The following ADGRA2 variants were observed in gnomAD, a reference collection of about 807,000 sequenced individuals.
ADGRA2 encodes the protein adhesion G protein-coupled receptor A2.
Under a neutral mutation model 98.7 loss-of-function variants are expected in ADGRA2, and 61 were observed. The ratio of observed to expected loss-of-function variants is 0.62; its 90% confidence interval spans 0.50 to 0.76. ADGRA2 has a LOEUF of 0.76. Among genes scored for constraint, ADGRA2 ranks in the 30% least tolerant of loss-of-function variants. The pLI is 0.00. For missense variants in ADGRA2, 1,712 were observed against 1,860.0 expected (o/e 0.92, Z 1.46); for synonymous variants, 858 against 831.5 (o/e 1.03, Z -0.55).
At chr8:37,807,656 C>G (rs1804716147) in intron 1 of ADGRA2, among the ~76,000 whole-genome samples, 1 of 152,276 alleles carries the variant, frequency 6.6e-6, no homozygotes, top group South Asian at 2.1e-4. Flanking sequence ...CATCAGCAAG[C>G]AGACTGCCCC....
intron 17 of ADGRA2, 126 bp from the exon 18 acceptor site, chr8:37,840,634 A>T: frequency 2.9e-6 from 2 of 681,580 alleles, no homozygotes; most frequent in Non-Finnish European, 5.3e-6. Flanking sequence ...CATCCCTGGC[A>T]AAAAATTCTG....
intron 1 of ADGRA2, among the ~76,000 whole-genome samples, chr8:37,799,452 A>G (rs1804435674): frequency 6.6e-6 from 1 of 151,792 alleles, no homozygotes; most frequent in South Asian, 2.1e-4. Flanking sequence ...TCATGCACAT[A>G]TGTGGGATGT....
chr8:37,808,867 C>T (rs1325073701), intron 1 of ADGRA2, among the ~76,000 whole-genome samples: 1 of 152,074 alleles, frequency 6.6e-6, no homozygotes, highest in African/African-American at 2.4e-5. Flanking sequence ...GCTGCCCAGG[C>T]TGGAGTACAG....
At chr8:37,804,451 C>G (rs996534210) in intron 1 of ADGRA2, among the ~76,000 whole-genome samples, 1 of 152,192 alleles carries the variant, frequency 6.6e-6, no homozygotes, top group Non-Finnish European at 1.5e-5. Context: ...AATGCAGGCA[C>G]GTGGGACTGG....
At chr8:37,822,075 C>A (rs1307165821) in intron 2 of ADGRA2, among the ~76,000 whole-genome samples, 1 of 152,084 alleles carries the variant, frequency 6.6e-6, no homozygotes, top group Admixed American at 6.5e-5. Context: ...GCCATGGTAG[C>A]CCCCATGCCT....
chr8:37,808,305 G>A (rs1457821779), intron 1 of ADGRA2, among the ~76,000 whole-genome samples: 1 of 152,210 alleles, frequency 6.6e-6, no homozygotes, highest in East Asian at 1.9e-4. Context: ...CTGGGGCAGA[G>A]CTAGTGTGTG....
chr8:37,835,101 T>G, intron 11 of ADGRA2, 73 bp from the exon 12 acceptor site: 4 of 1,074,758 alleles, frequency 3.7e-6, no homozygotes, highest in Non-Finnish European at 4.3e-6. Flanking sequence ...AGCAGGCCCA[T>G]TGAGAGAGAT....
At chr8:37,821,722 G>A (rs193173515) in intron 2 of ADGRA2, among the ~76,000 whole-genome samples, 25 of 152,318 alleles carry the variant, frequency 1.6e-4, no homozygotes, top group Non-Finnish European at 2.5e-4. Flanking sequence ...AAAGAGTCTG[G>A]GAAGGGGAGC....
At chr8:37,836,038 A>AACACACACACACACACACAC (rs58082798) in intron 13 of ADGRA2, among the ~76,000 whole-genome samples, 2 of 124,574 alleles carry the variant, frequency 1.6e-5, no homozygotes, top group Admixed American at 8.0e-5. Flanking sequence ...AGCCCCCTCC[A>AACACACACACACACACACAC]ACACACACAC....
intron 1 of ADGRA2, among the ~76,000 whole-genome samples, chr8:37,804,904 A>G (rs1804616529): frequency 6.6e-6 from 1 of 152,260 alleles, no homozygotes; most frequent in African/African-American, 2.4e-5. Flanking sequence ...TGCATGGAGT[A>G]TTTGAAATCA....
rs1394151972 is a variant in ADGRA2 at position 37,814,668 on chromosome 8, G to C, written c.267-228G>C. 6.6e-6 allele frequency among the ~76,000 whole-genome samples: 1 copy of C among 152,216 alleles called. No individual in the cohort carries two copies. The highest frequency in any genetic ancestry group is 6.5e-5 in the Admixed American group (1 of 15,284). ...CACCTGCACACAGAGCCCCACGTCA[G>C]AGCCAGGCTTGGAGGAGACTCAGGG... On this transcript the variant is annotated intron_variant, in intron 1 of 18. Coordinates refer to ENST00000412232, the MANE Select transcript of ADGRA2 (RefSeq NM_032777.10). This position sits in a 1 kb window ranked among gnomAD's most constrained non-coding sequence, Gnocchi z 4.3.
In ADGRA2 at chr8:37,841,643, C is replaced by T. The variant is rs756468268; in HGVS notation, c.3305C>T (p.Ala1102Val). 2.6e-5 allele frequency: 40 copies of T among 1,524,992 alleles called. 1 individual carries two copies. In the South Asian group the frequency reaches 4.7e-4, roughly 18 times the overall value. 94.5% of individuals were successfully genotyped at this position (1,524,992 alleles called of 1,614,324 possible). The change falls in exon 19 of 19, where the codon GCC (alanine) becomes GTC (valine). Residue 1102 changes from alanine (A) to valine (V), a missense_variant. Physicochemically the swap from Ala to Val is moderately conservative, Grantham distance 64. Coordinates refer to ENST00000412232, the MANE Select transcript of ADGRA2 (RefSeq NM_032777.10). The surrounding 1 kb of genome is among the most constrained non-coding windows in gnomAD (Gnocchi z 5.0). ...GCCCCGCCCCGGGCCCTGCCCGCCG[C>T]CGCAGAGGACGGTTCCCCGGTGTTC... ...PHAPPRALPA[A>V]AEDGSPVFGE...
At position 37,819,716 on chromosome 8, in the gene ADGRA2, T is replaced by G. The variant is rs1805078717; in HGVS notation, c.338+4749T>G. Among the ~76,000 whole-genome samples, 3 of 150,708 alleles carry G rather than the reference T, an allele frequency of 2.0e-5. No homozygotes were observed. The South Asian group carries it at 6.3e-4, about 32-fold the overall frequency. ...GACAGAGTCTCACTCTGTCACCCAG[T>G]CTGGAGTGCAGTGGCACAATCTTGG... On this transcript the variant is annotated intron_variant, in intron 2 of 18. Coordinates refer to ENST00000412232, the MANE Select transcript of ADGRA2 (RefSeq NM_032777.10).
Position 37,834,185 on chromosome 8 carries a change from T to TC in ADGRA2, c.1608+58dup. 2.0e-6 allele frequency: 3 copies of TC among 1,479,908 alleles called. No individual in the cohort carries two copies. Among genetic ancestry groups the TC allele is most frequent in the Non-Finnish European group, 2.8e-6 (3 of 1,087,468 alleles). 91.7% of individuals were successfully genotyped at this position (1,479,908 alleles called of 1,614,324 possible). On this transcript the variant is annotated intron_variant, in intron 11 of 18. Transcript: ENST00000412232. The surrounding 1 kb of genome is among the most constrained non-coding windows in gnomAD (Gnocchi z 4.2). Reference sequence around the variant, plus strand: ...GCATGCAGAGGAGGGAGGCGCTCCCTCTCAGGCGTGCACCTGCCGTGCCCC... The same window carrying TC: ...GCATGCAGAGGAGGGAGGCGCTCCCTCCTCAGGCGTGCACCTGCCGTGCCCC...
At position 37,833,696 on chromosome 8, in the gene ADGRA2, C is replaced by G; in HGVS notation, c.1305C>G (p.Ile435Met). 1 of 1,614,100 alleles carries G rather than the reference C, an allele frequency of 6.2e-7. No individual in the cohort carries two copies. The highest frequency in any genetic ancestry group is 8.5e-7 in the Non-Finnish European group (1 of 1,179,964). Residue 435 changes from isoleucine (I) to methionine (M), a missense_variant, in exon 10 of 19, where the codon ATC (isoleucine) becomes ATG (methionine). Ile to Met is a conservative substitution (Grantham distance 10, BLOSUM62 1). Transcript: ENST00000412232. ...RVLYTFVLMPINASNALTLAH... is the reference protein window; with the variant it reads ...RVLYTFVLMPMNASNALTLAH... ...CTTCCCCCAATCCCCAGATGCCCAT[C>G]AATGCCTCCAATGCGCTGACCCTGG...
chr8:37,839,648 G>C (rs370078212), intron 16 of ADGRA2, 26 bp downstream of exon 16: 25 of 1,612,028 alleles, frequency 1.6e-5, no homozygotes, highest in Non-Finnish European at 2.0e-5. Context: ...GGCTCTGGGG[G>C]TGGTGCTCCG....
Position 37,830,629 on chromosome 8 carries a change from C to CCAACAGCGGGGCG in ADGRA2, c.719-81_719-80insCAACAGCGGGGCG. The CCAACAGCGGGGCG allele has an allele frequency of 1.4e-6, 1 of 714,566 alleles. No homozygotes were observed. The allele number at this position is 714,566 out of a possible 1,614,324, so 44.3% of individuals were successfully genotyped here. On this transcript the variant is annotated intron_variant, in intron 6 of 18. Transcript: ENST00000412232. This position sits in a 1 kb window ranked among gnomAD's most constrained non-coding sequence, Gnocchi z 4.8. ...CCGAGGGCCCCGCCCCGCCCCACCC[C>CCAACAGCGGGGCG]ATCCTGCTGGACTCTCGCTCACACG...
intron 13 of ADGRA2, 91 bp from the exon 14 acceptor site, chr8:37,837,640 C>G: frequency 9.2e-7 from 1 of 1,088,530 alleles, no homozygotes. Context: ...CTAGTACACA[C>G]CCTGTCACTG....
chr8:37,801,976 A>G (rs1370642072), intron 1 of ADGRA2, among the ~76,000 whole-genome samples: 3 of 152,138 alleles, frequency 2.0e-5, no homozygotes, highest in Non-Finnish European at 2.9e-5. Context: ...CAAACCCTCA[A>G]CCTGCTCGGC....
Sources: allele counts gnomAD v4.1 joint callset (sites outside exome capture counted in the v4.1 genomes callset), GRCh38; gene constraint gnomAD v4.1.1; non-coding constraint Gnocchi (gnomAD v3.1); transcripts MANE v1.5; gene names NCBI Gene and HGNC (gene_info 2026-07-23, HGNC 2026-07-21).